PCNX3: variants seen among roughly 807,000 people sequenced by gnomAD.
The protein encoded by PCNX3 is pecanex-like protein 3.
In PCNX3, 58 loss-of-function variants were observed where a neutral mutation model predicts 207.2. The ratio of observed to expected loss-of-function variants is 0.28; its 90% confidence interval spans 0.23 to 0.35. The LOEUF (loss-of-function observed/expected upper bound fraction) is 0.35. Ranked by LOEUF, PCNX3 falls within the 10% of genes least tolerant of loss-of-function variation. The probability of loss-of-function intolerance (pLI) is 1.00; values close to 1 mark genes in which losing one functional copy is unlikely to be tolerated. For synonymous variants in PCNX3, 1,337 were observed against 1,183.5 expected (o/e 1.13, Z -2.66); for missense variants, 2,410 against 2,774.4 (o/e 0.87, Z 2.95).
chr11:65,623,457 A>G lies in PCNX3; in HGVS notation c.2358-34A>G, dbSNP rs2135432486. On this transcript the variant is annotated intron_variant, in intron 11 of 34. Coordinates refer to ENST00000355703, the MANE Select transcript of PCNX3 (RefSeq NM_032223.4). ...CACTGCCCCACTGGAAGGTGAGGCA[A>G]GACGGGCACGCCCTGACTAGGCTGT... The G allele has an allele frequency of 1.9e-6, 3 of 1,552,522 alleles. No individual in the cohort carries two copies. The South Asian group carries it at 3.7e-5, about 19-fold the overall frequency.
intron 6 of PCNX3, 130 bp from the exon 7 acceptor site, chr11:65,619,407 G>T (rs1854948526): frequency 2.7e-6 from 4 of 1,454,768 alleles, no homozygotes; most frequent in Non-Finnish European, 3.6e-6. Flanking sequence ...GTGTGACCTG[G>T]CTGGGCCTCA....
chr11:65,620,137 A>G (rs1225715440), intron 8 of PCNX3, among the ~76,000 whole-genome samples: 1 of 152,212 alleles, frequency 6.6e-6, no homozygotes, highest in Admixed American at 6.5e-5. Context: ...CTTACAGTAC[A>G]GGGGAGATCT....
intron 11 of PCNX3, 127 bp downstream of exon 11, chr11:65,622,493 C>T (rs1039156497): frequency 4.3e-5 from 54 of 1,246,880 alleles, no homozygotes; most frequent in South Asian, 4.2e-4. Flanking sequence ...GAGGGCCTGT[C>T]GTTGGCTGGA....
intron 20 of PCNX3, 119 bp from the exon 21 acceptor site, chr11:65,626,785 C>T (rs1209214343): frequency 5.5e-6 from 8 of 1,445,906 alleles, no homozygotes. Flanking sequence ...ACAGATCAGC[C>T]CCTCCCCCCA....
chr11:65,626,788 T>C (rs1855412545), intron 20 of PCNX3, 116 bp from the exon 21 acceptor site: 4 of 1,452,110 alleles, frequency 2.8e-6, no homozygotes, highest in Non-Finnish European at 2.8e-6. Flanking sequence ...GATCAGCCCC[T>C]CCCCCCAGGG....
At position 65,634,775 on chromosome 11, in the gene PCNX3, C is replaced by T. The variant is rs913369891; in HGVS notation, c.4805+134C>T. On this transcript the variant is annotated intron_variant, in intron 29 of 34. Transcript: ENST00000355703. The stretch of plus-strand genomic sequence containing the variant: ...TCCTGTTGGGGTACCTCTTCTCCCA[C>T]GGGCAGGGCACTTCCTGGTCATGAC... 92 of 1,176,510 alleles carry T rather than the reference C, an allele frequency of 7.8e-5. No individual in the cohort carries two copies. The East Asian group carries it at 1.0e-3, about 13-fold the overall frequency. 72.9% of individuals were successfully genotyped at this position (1,176,510 alleles called of 1,614,324 possible).
At position 65,624,826 on chromosome 11, in the gene PCNX3, C is replaced by T. The variant is rs148781362; in HGVS notation, c.2828-99C>T. 184 of 1,284,950 alleles carry T rather than the reference C, an allele frequency of 1.4e-4. No individual in the cohort carries two copies. In the African/African-American group the frequency reaches 2.4e-3, roughly 17 times the overall value. 79.6% of individuals were successfully genotyped at this position (1,284,950 alleles called of 1,614,324 possible). On this transcript the variant is annotated intron_variant, in intron 15 of 34. Transcript: ENST00000355703. ...GAACAATGGGCTGGGGGTGCCTTTC[C>T]AGGGAGGCCAGCCTCTGGGAGTTGA...
intron 20 of PCNX3, chr11:65,626,293 C>CT: frequency 1.5e-6 from 1 of 681,982 alleles, no homozygotes; most frequent in South Asian, 1.5e-5. Flanking sequence ...TCCTGCCCTC[C>CT]TTCCTGTCTG....
In PCNX3 at chr11:65,618,837, C is replaced by A; in HGVS notation, c.1475C>A (p.Pro492His). Residue 492 changes from proline to histidine, a missense_variant, in exon 6 of 35, where the codon CCT becomes CAT. Physicochemically the swap from Pro to His is moderately conservative, Grantham distance 77 (BLOSUM62 -2). Around this residue, in one of 8 missense-constraint regions of PCNX3, gnomAD observed 1,104 missense variants for 970.3 expected, o/e 1.14. Transcript: ENST00000355703. ...CGGCCATATGGGACCCAGCGGACGC[C>A]TAGTACCGCCAGCGCTAAAACACAT... is the stretch of plus-strand genomic sequence containing the variant. ...PKRPYGTQRT[P>H]STASAKTHAR... 6.2e-7 allele frequency: 1 copy of A among 1,611,258 alleles called. No individual in the cohort carries two copies. The highest frequency in any genetic ancestry group is 2.2e-5 in the East Asian group (1 of 44,814).
Position 65,616,973 on chromosome 11 carries a change from G to T in PCNX3, c.303G>T (p.Leu101=). The T allele has an allele frequency of 6.2e-7, 1 of 1,612,804 alleles. No homozygotes were observed. The highest frequency in any genetic ancestry group is 2.2e-5 in the East Asian group (1 of 44,888). Residue 101 remains leucine (L), a synonymous_variant, in exon 2 of 35, where the codon CTG becomes CTT. Transcript: ENST00000355703. ...VEKRSSTMGE[L]EEEPAQGDSN... is the part of the protein sequence containing the mutation. ...AGCGCAGCTCTACCATGGGGGAGCT[G>T]GAGGAAGAGCCTGCCCAGGGGGACA...
At chr11:65,619,514 C>T (rs762390852) in intron 6 of PCNX3, 23 bp from the exon 7 acceptor site, 31 of 1,609,906 alleles carry the variant, frequency 1.9e-5, no homozygotes, top group South Asian at 1.4e-4. Context: ...GTCACTTACA[C>T]TTGGGGGCCT....
chr11:65,622,848 C>T (rs1364266029), intron 11 of PCNX3, among the ~76,000 whole-genome samples: 2 of 151,336 alleles, frequency 1.3e-5, no homozygotes, highest in African/African-American at 2.4e-5. Context: ...GTGATCTGCC[C>T]GCCTCGGCCT....
intron 5 of PCNX3, 61 bp downstream of exon 5, chr11:65,617,767 C>CTAG: frequency 6.5e-7 from 1 of 1,532,992 alleles, no homozygotes; most frequent in Non-Finnish European, 8.8e-7. Flanking sequence ...TTGTTGAATC[C>CTAG]CCTCAACTTT....
intron 10 of PCNX3, among the ~76,000 whole-genome samples, 194 bp downstream of exon 10, chr11:65,621,160 G>A (rs1215222054): frequency 5.9e-5 from 9 of 152,224 alleles, no homozygotes. Flanking sequence ...AATGGCTGGA[G>A]AAGTCATTTA....
Position 65,618,341 on chromosome 11 carries a change from C to T in PCNX3, c.979C>T (p.Pro327Ser), listed in dbSNP as rs781684290. 2 of 1,611,960 alleles carry T rather than the reference C, an allele frequency of 1.2e-6. No homozygotes were observed. Among genetic ancestry groups the T allele is most frequent in the African/African-American group, 1.3e-5 (1 of 75,046 alleles). Residue 327 changes from proline to serine, a missense_variant, in exon 6 of 35, where the codon CCA (proline) becomes TCA (serine). Pro to Ser is a moderately conservative substitution (Grantham distance 74, BLOSUM62 -1). Around this residue, in one of 8 missense-constraint regions of PCNX3, gnomAD observed 1,104 missense variants for 970.3 expected, o/e 1.14. Coordinates refer to ENST00000355703, the MANE Select transcript of PCNX3 (RefSeq NM_032223.4). ...CAACTCCACCCATCTGGACAGCCCC[C>T]CAGGGGGGCCAGCCCCTGAGGGCAG... ...KTNSTHLDSP[P>S]GGPAPEGSDT...
intron 10 of PCNX3, among the ~76,000 whole-genome samples, chr11:65,621,405 A>C (rs1169910604): frequency 6.6e-6 from 1 of 152,220 alleles, no homozygotes; most frequent in Non-Finnish European, 1.5e-5. Flanking sequence ...TGTCACTCTT[A>C]AGAATATCAC....
In PCNX3 at chr11:65,637,162, C is replaced by A. The variant is rs1397071468; in HGVS notation, c.*184C>A. The A allele has an allele frequency of 4.5e-6, 3 of 671,844 alleles. No individual in the cohort carries two copies. The highest frequency in any genetic ancestry group is 7.4e-6 in the Non-Finnish European group (3 of 402,924). 41.6% of individuals were successfully genotyped at this position (671,844 alleles called of 1,614,324 possible). On this transcript the variant is annotated 3_prime_UTR_variant, in exon 35 of 35. Coordinates refer to ENST00000355703, the MANE Select transcript of PCNX3 (RefSeq NM_032223.4). ...TCTGACCTTGACCCCTGATCTCTCT[C>A]ATCCCCAGTCCAGGGCCTGGGCTCC...
rs1008992967 is a variant in PCNX3, at chr11:65,618,188, G to A, written c.826G>A (p.Ala276Thr). 4.4e-6 allele frequency: 7 copies of A among 1,602,460 alleles called. No individual in the cohort carries two copies. The African/African-American group carries it at 9.4e-5, about 22-fold the overall frequency. The change falls in exon 6 of 35, where the codon GCA (alanine) becomes ACA (threonine). Residue 276 changes from alanine to threonine, a missense_variant. Transcript: ENST00000355703. ...TSSRREQRRG[A>T]GGYQPLDRRG... is the part of the protein sequence containing the mutation. The stretch of plus-strand genomic sequence containing the variant: ...CAGTCGACGGGAACAACGCAGGGGG[G>A]CAGGTGGCTATCAGCCCCTTGACCG...
In PCNX3 at chr11:65,634,523, G is replaced by A. The variant is rs749855598; in HGVS notation, c.4702-15G>A. On this transcript the variant is annotated splice_polypyrimidine_tract_variant and intron_variant, in intron 28 of 34. Coordinates refer to ENST00000355703, the MANE Select transcript of PCNX3 (RefSeq NM_032223.4). Reference sequence around the variant, plus strand: ...GTCTGAGCTGGGCTCTGGGATGGGGGTCCTTATGCCACAGCCCGTGGACCA... The same window carrying A: ...GTCTGAGCTGGGCTCTGGGATGGGGATCCTTATGCCACAGCCCGTGGACCA... The A allele has an allele frequency of 1.9e-6, 3 of 1,575,100 alleles. No homozygotes were observed. The highest frequency in any genetic ancestry group is 8.6e-7 in the Non-Finnish European group (1 of 1,163,828).
Sources: allele counts gnomAD v4.1 joint callset (sites outside exome capture counted in the v4.1 genomes callset), GRCh38; gene constraint gnomAD v4.1.1; regional missense constraint gnomAD v4.1.1; transcripts MANE v1.5; gene names NCBI Gene and HGNC (gene_info 2026-07-23, HGNC 2026-07-21).